The following PTPRD variants were observed in gnomAD, a reference collection of about 807,000 sequenced individuals.
PTPRD encodes protein tyrosine phosphatase receptor type D.
Under a neutral mutation model 214.5 loss-of-function variants are expected in PTPRD, and 34 were observed. That is an observed-to-expected ratio of 0.16 (90% CI 0.12 to 0.21). The LOEUF is 0.21. PTPRD is among the 10% of genes least tolerant of loss of function. The pLI, the probability that PTPRD is intolerant of heterozygous loss-of-function variation, is 1.00. For missense variants in PTPRD, 2,545 were observed against 2,398.7 expected, an observed-to-expected ratio of 1.06 and a Z score of -1.27; for synonymous variants, 1,128 against 845.7, an observed-to-expected ratio of 1.33 and a Z score of -5.79.
chr9:8,392,778 G>A (rs554143053), intron 36 of PTPRD, among the ~76,000 whole-genome samples: 2 of 152,192 alleles, frequency 1.3e-5, no homozygotes, highest in South Asian at 2.1e-4. Flanking sequence ...CAAATGTGGA[G>A]ATAAGAGAGA....
At chr9:10,410,696 A>C (rs1257797693) in intron 2 of PTPRD, among the ~76,000 whole-genome samples, 1 of 151,112 alleles carries the variant, frequency 6.6e-6, no homozygotes, top group Non-Finnish European at 1.5e-5. Context: ...TGATTCAGAC[A>C]AAGATTTATC....
chr9:10,199,901 G>A (rs964352008), intron 3 of PTPRD, among the ~76,000 whole-genome samples: 10 of 150,018 alleles, frequency 6.7e-5, no homozygotes, highest in Admixed American at 2.0e-4. Flanking sequence ...GGGCACTCGC[G>A]CGCACACACG....
intron 10 of PTPRD, among the ~76,000 whole-genome samples, chr9:9,124,385 T>C (rs1233441214): frequency 6.6e-6 from 1 of 152,134 alleles, no homozygotes; most frequent in East Asian, 1.9e-4. Flanking sequence ...TAAATAACTA[T>C]CTTAAAATAG....
intron 6 of PTPRD, among the ~76,000 whole-genome samples, chr9:9,745,178 G>C (rs974013028): frequency 2.0e-5 from 3 of 152,160 alleles, no homozygotes; most frequent in African/African-American, 7.2e-5. Context: ...AAGCACTATA[G>C]TTTATCATGT....
intron 8 of PTPRD, among the ~76,000 whole-genome samples, chr9:9,405,318 T>G (rs1246144083): frequency 6.6e-6 from 1 of 152,090 alleles, no homozygotes; most frequent in Admixed American, 6.6e-5. Flanking sequence ...CAATGGCTCC[T>G]TGATTAAGGT....
chr9:10,314,938 C>T (rs2096381581), intron 3 of PTPRD, among the ~76,000 whole-genome samples: 1 of 151,832 alleles, frequency 6.6e-6, no homozygotes. Flanking sequence ...TTCTTCAGGG[C>T]TGTGGGACAA....
intron 10 of PTPRD, among the ~76,000 whole-genome samples, chr9:9,027,890 A>G (rs1244417755): frequency 6.6e-6 from 1 of 151,976 alleles, no homozygotes; most frequent in Non-Finnish European, 1.5e-5. Context: ...TTCTTGTCAT[A>G]TAAAGTGGTG....
rs2096981046 is a variant in PTPRD, at chr9:8,485,496, G to C, written c.3056-172C>G. 4.8e-6 allele frequency: 3 copies of C among 622,714 alleles called. No homozygotes were observed. The African/African-American group carries it at 5.5e-5, about 11-fold the overall frequency. The allele number at this position is 622,714 out of a possible 1,614,324, so 38.6% of individuals were successfully genotyped here. A position where few individuals can be genotyped will look rare whatever the true frequency, so the allele number is the denominator to read the frequency against. On this transcript the variant is annotated intron_variant, in intron 28 of 45. Coordinates refer to ENST00000381196, the MANE Select transcript of PTPRD (RefSeq NM_002839.4). ...CATTTTAATACCCCATTCTCACAGA[G>C]ATCTTTCCTTTCTCTCCAATTCAGC...
intron 2 of PTPRD, among the ~76,000 whole-genome samples, chr9:10,354,393 G>C (rs1298308407): frequency 1.3e-5 from 2 of 152,124 alleles, no homozygotes; most frequent in Admixed American, 6.6e-5. Flanking sequence ...AAGGCTAAGA[G>C]AATCAATCAA....
rs925618895 is a variant in PTPRD, at chr9:9,855,638, C to A, written c.-368+82869G>T. On this transcript the variant is annotated intron_variant, in intron 5 of 45. Coordinates refer to ENST00000381196, the MANE Select transcript of PTPRD (RefSeq NM_002839.4). ...AAGCGGGAACTGGAGTGCAGAAGCA[C>A]TGGAACCAGCCAGCCGCTTCCGCAC... 3.9e-5 allele frequency among the ~76,000 whole-genome samples: 6 copies of A among 152,320 alleles called. No individual in the cohort carries two copies. In the South Asian group the frequency reaches 8.3e-4, roughly 21 times the overall value.
At chr9:8,662,562 C>T (rs1020372465) in intron 12 of PTPRD, among the ~76,000 whole-genome samples, 19 of 152,242 alleles carry the variant, frequency 1.2e-4, no homozygotes, top group African/African-American at 4.3e-4. Flanking sequence ...TGGAAATTTT[C>T]ATCCTCTGGC....
At chr9:8,928,606 G>T (rs1304791602) in intron 11 of PTPRD, among the ~76,000 whole-genome samples, 1 of 148,460 alleles carries the variant, frequency 6.7e-6, no homozygotes, top group Non-Finnish European at 1.5e-5. Context: ...TTGTAGTATA[G>T]TTTGAAGTCA....
At chr9:9,449,205 A>T (rs955954376) in intron 8 of PTPRD, among the ~76,000 whole-genome samples, 1 of 152,096 alleles carries the variant, frequency 6.6e-6, no homozygotes, top group Admixed American at 6.6e-5. Context: ...CAACAACCAC[A>T]GGGAGAAAAA....
At chr9:8,617,691 AAG>A (rs1254190575) in intron 14 of PTPRD, among the ~76,000 whole-genome samples, 2 of 152,124 alleles carry the variant, frequency 1.3e-5, no homozygotes, top group African/African-American at 4.8e-5. Context: ...CTTGAATTTA[AAG>A]AGTCTAAAAA....
chr9:9,591,978 G>A (rs1268850742), intron 7 of PTPRD, among the ~76,000 whole-genome samples: 5 of 151,888 alleles, frequency 3.3e-5, no homozygotes, highest in Non-Finnish European at 5.9e-5. Flanking sequence ...ACAGCCTCTG[G>A]CAACCTCCAT....
intron 39 of PTPRD, among the ~76,000 whole-genome samples, chr9:8,355,579 G>A (rs937514720): frequency 2.0e-5 from 3 of 152,120 alleles, no homozygotes; most frequent in African/African-American, 2.4e-5. Flanking sequence ...TAGAAGATGG[G>A]AAACAGTTAA....
intron 11 of PTPRD, among the ~76,000 whole-genome samples, chr9:8,971,920 C>T (rs1423292352): frequency 6.6e-6 from 1 of 151,770 alleles, no homozygotes; most frequent in Non-Finnish European, 1.5e-5. Flanking sequence ...GTATATTATT[C>T]ATATTTTCCT....
rs1165670321 is a variant in PTPRD, at chr9:8,341,251, T to C, written c.4965A>G (p.Lys1655=). 1 of 1,610,068 alleles carries C rather than the reference T, an allele frequency of 6.2e-7. No individual in the cohort carries two copies. The highest frequency in any genetic ancestry group is 8.5e-7 in the Non-Finnish European group (1 of 1,178,186). The change falls in exon 41 of 46, where the codon AAA becomes AAG. Residue 1655 remains lysine (K), a synonymous_variant. Transcript: ENST00000381196. The stretch of plus-strand genomic sequence containing the variant: ...CACTGATAAACCTTGAGGTGTGAGC[T>C]TTTGAGCTGGCTAGACGCTGTTGAA... ...ELEFKRLASS[K]AHTSRFISAN...
At chr9:10,272,438 T>A (rs752118257) in intron 3 of PTPRD, among the ~76,000 whole-genome samples, 1 of 152,244 alleles carries the variant, frequency 6.6e-6, no homozygotes, top group Admixed American at 6.5e-5. Flanking sequence ...GGTGGACATA[T>A]GTGTTCATTT....
Sources: gnomAD v4.1 joint callset for allele counts (sites outside exome capture counted in the v4.1 genomes callset) on GRCh38, gnomAD v4.1.1 for gene constraint, MANE v1.5 for transcripts, NCBI Gene and HGNC (gene_info 2026-07-23, HGNC 2026-07-21) for gene names.